Variants in KLHL1 observed in about 807,000 individuals in gnomAD.
KLHL1 encodes kelch-like protein 1.
In KLHL1, 47 loss-of-function variants were observed where a neutral mutation model predicts 77.7. The ratio of observed to expected loss-of-function variants is 0.60; its 90% CI spans 0.48 to 0.77. The LOEUF (loss-of-function observed/expected upper bound fraction) is 0.77. Among genes scored for constraint, KLHL1 ranks in the 30% least tolerant of loss-of-function variants. The pLI is 0.00. For missense variants in KLHL1, 925 were observed against 910.8 expected, an observed-to-expected ratio of 1.02 and a Z score of -0.20; for synonymous variants, 360 against 325.2, an observed-to-expected ratio of 1.11 and a Z score of -1.15.
In KLHL1 at chr13:70,084,461, C is replaced by CTTTTTTTTTTTTTTT. The variant is rs1324246935; in HGVS notation, c.497+22741_497+22742insAAAAAAAAAAAAAAA. On this transcript the variant is annotated intron_variant, in intron 1 of 10. Coordinates refer to ENST00000377844, the MANE Select transcript of KLHL1 (RefSeq NM_020866.3). ...GATATTTTCTAGTCTATTTCTTCTT[C>CTTTTTTTTTTTTTTT]TTCTTTTTTTTTTTTTGAGACGGAG... 8.2e-4 allele frequency among the ~76,000 whole-genome samples: 94 copies of CTTTTTTTTTTTTTTT among 115,106 alleles called. 10 individuals carry two copies. Among genetic ancestry groups the CTTTTTTTTTTTTTTT allele is most frequent in the Non-Finnish European group, 9.8e-4 (57 of 58,424 alleles). 75.5% of individuals were successfully genotyped at this position (115,106 alleles called of 152,430 possible).
At chr13:70,040,329 G>A (rs771302200) in intron 1 of KLHL1, among the ~76,000 whole-genome samples, 5 of 152,140 alleles carry the variant, frequency 3.3e-5, no homozygotes, top group Non-Finnish European at 5.9e-5. Flanking sequence ...AGTGGGGCAA[G>A]GGTTGAAAAC....
chr13:69,870,589 A>T (rs1454249835), intron 5 of KLHL1, among the ~76,000 whole-genome samples: 1 of 152,060 alleles, frequency 6.6e-6, no homozygotes, highest in East Asian at 1.9e-4. Flanking sequence ...GTCAAGCCTC[A>T]TTTGAGACTC....
chr13:70,029,252 A>G (rs1314734969), intron 1 of KLHL1, among the ~76,000 whole-genome samples: 1 of 152,114 alleles, frequency 6.6e-6, no homozygotes, highest in Non-Finnish European at 1.5e-5. Flanking sequence ...TTCACTGGAA[A>G]TGGCTGAATA....
At chr13:69,981,455 A>G (rs888155161) in intron 1 of KLHL1, among the ~76,000 whole-genome samples, 3 of 152,010 alleles carry the variant, frequency 2.0e-5, no homozygotes, top group Non-Finnish European at 4.4e-5. Context: ...ATTTTGTAGT[A>G]TCAGATAAAG....
At chr13:69,901,077 CA>C (rs1881837552) in intron 4 of KLHL1, among the ~76,000 whole-genome samples, 1 of 152,138 alleles carries the variant, frequency 6.6e-6, no homozygotes, top group Admixed American at 6.5e-5. Flanking sequence ...ACAAGAAACT[CA>C]TGTCATATTT....
chr13:69,930,018 T>C (rs562728076), intron 4 of KLHL1, among the ~76,000 whole-genome samples: 86 of 151,966 alleles, frequency 5.7e-4, no homozygotes, highest in African/African-American at 1.9e-3. Flanking sequence ...TTTCAGCTGT[T>C]AAGATATCAG....
At chr13:69,777,891 A>T (rs1242073904) in intron 7 of KLHL1, among the ~76,000 whole-genome samples, 1 of 152,074 alleles carries the variant, frequency 6.6e-6, no homozygotes, top group Non-Finnish European at 1.5e-5. Flanking sequence ...TATAGTGTGC[A>T]TTTTACTGGT....
At chr13:69,886,619 GTTA>G (rs1881229901) in intron 4 of KLHL1, among the ~76,000 whole-genome samples, 1 of 151,686 alleles carries the variant, frequency 6.6e-6, no homozygotes, top group African/African-American at 2.4e-5. Flanking sequence ...TCATCTCTTT[GTTA>G]TTAAGTTTAA....
chr13:70,017,078 A>C lies in KLHL1; in HGVS notation c.498-41276T>G, dbSNP rs549691445. Among the ~76,000 whole-genome samples, 3 of 152,210 alleles carry C rather than the reference A, an allele frequency of 2.0e-5. No homozygotes were observed. In the East Asian group the frequency reaches 5.8e-4, roughly 30 times the overall value. The stretch of plus-strand genomic sequence containing the variant: ...CTGAGAACTGTTCTGCCGCTCAATG[A>C]AGCTCTTCTCCACTTTGCTCACCCT... On this transcript the variant is annotated intron_variant, in intron 1 of 10. Coordinates refer to ENST00000377844, the MANE Select transcript of KLHL1 (RefSeq NM_020866.3).
intron 5 of KLHL1, among the ~76,000 whole-genome samples, chr13:69,878,128 T>TA (rs1441436214): frequency 6.6e-6 from 1 of 152,160 alleles, no homozygotes; most frequent in Non-Finnish European, 1.5e-5. Flanking sequence ...TTGTTTTTGT[T>TA]TTTACTCTTT....
At chr13:69,754,176 C>T (rs1456063165) in intron 7 of KLHL1, among the ~76,000 whole-genome samples, 1 of 151,962 alleles carries the variant, frequency 6.6e-6, no homozygotes, top group Admixed American at 6.6e-5. Context: ...TCAGTAGGAG[C>T]TACCCTTTAA....
rs111242830 is a variant in KLHL1, at chr13:69,873,883, A to G, written c.1227+8400T>C. On this transcript the variant is annotated intron_variant, in intron 5 of 10. Transcript: ENST00000377844. Reference sequence around the variant, plus strand: ...CTTTTGAAAAGACCTCTACATCTGTATTTCTCAAAAATATAGTTGTAAGAA... The same window carrying G: ...CTTTTGAAAAGACCTCTACATCTGTGTTTCTCAAAAATATAGTTGTAAGAA... Among the ~76,000 whole-genome samples the G allele has an allele frequency of 7.5e-3, 1,147 of 152,284 alleles. 11 individuals carry two copies. The highest frequency in any genetic ancestry group is 0.025 in the African/African-American group (1,046 of 41,554).
chr13:70,045,289 G>C (rs1359992884), intron 1 of KLHL1, among the ~76,000 whole-genome samples: 1 of 151,758 alleles, frequency 6.6e-6, no homozygotes, highest in Non-Finnish European at 1.5e-5. Flanking sequence ...ATCCTTTTTT[G>C]CTTTTATCTT....
intron 1 of KLHL1, among the ~76,000 whole-genome samples, chr13:70,104,768 T>A (rs1329037431): frequency 6.6e-6 from 1 of 152,108 alleles, no homozygotes; most frequent in Admixed American, 6.5e-5. Context: ...ATAAACACCA[T>A]GTAGCTTTTC....
In KLHL1 at chr13:69,796,924, G is replaced by T. The variant is rs1877133622; in HGVS notation, c.1453C>A (p.Leu485Met). The T allele has an allele frequency of 3.1e-6, 5 of 1,614,002 alleles. No homozygotes were observed. Among genetic ancestry groups the T allele is most frequent in the Admixed American group, 3.3e-5 (2 of 60,002 alleles). ...TIEKYDLRTN[L>M]WIQAGMMNGR... Reference sequence around the variant, plus strand: ...TTCATCATCCCTGCCTGGATCCACAGATTTGTTCTCAGATCATATTTCTCT... The same window carrying T: ...TTCATCATCCCTGCCTGGATCCACATATTTGTTCTCAGATCATATTTCTCT... The change falls in exon 7 of 11, where the codon CTG (leucine) becomes ATG (methionine). Residue 485 changes from leucine (L) to methionine (M), a missense_variant. Coordinates refer to ENST00000377844, the MANE Select transcript of KLHL1 (RefSeq NM_020866.3).
intron 5 of KLHL1, among the ~76,000 whole-genome samples, chr13:69,847,644 A>G (rs977160022): frequency 6.6e-6 from 1 of 151,546 alleles, no homozygotes; most frequent in African/African-American, 2.4e-5. Flanking sequence ...TAGTTATGAA[A>G]ACACTCTCAC....
chr13:70,107,693 C>G lies in KLHL1; in HGVS notation c.7G>C (p.Gly3Arg). MS[G>R]SGRKDFDVKH... is the part of the protein sequence containing the mutation. Reference sequence around the variant, plus strand: ...ACATCGAAGTCTTTTCGCCCAGAGCCTGACATGCTTTACGCACAGAAGGCA... The same window carrying G: ...ACATCGAAGTCTTTTCGCCCAGAGCGTGACATGCTTTACGCACAGAAGGCA... Residue 3 changes from glycine to arginine, a missense_variant, in exon 1 of 11, where the codon GGC (glycine) becomes CGC (arginine). Coordinates refer to ENST00000377844, the MANE Select transcript of KLHL1 (RefSeq NM_020866.3). The G allele has an allele frequency of 6.6e-7, 1 of 1,524,422 alleles. No homozygotes were observed. The highest frequency in any genetic ancestry group is 8.8e-7 in the Non-Finnish European group (1 of 1,140,750). The allele number at this position is 1,524,422 out of a possible 1,614,324, so 94.4% of individuals were successfully genotyped here.
chr13:69,970,169 C>A (rs530358580), intron 2 of KLHL1, among the ~76,000 whole-genome samples: 21 of 152,184 alleles, frequency 1.4e-4, no homozygotes, highest in African/African-American at 5.1e-4. Flanking sequence ...TTGAGCATTG[C>A]CTTAATTACT....
At chr13:69,792,363 A>G (rs1876909588) in intron 7 of KLHL1, among the ~76,000 whole-genome samples, 1 of 152,220 alleles carries the variant, frequency 6.6e-6, no homozygotes, top group African/African-American at 2.4e-5. Context: ...ACAATGAGAT[A>G]CTACTTCAAA....
Sources: allele counts gnomAD v4.1 joint callset (sites outside exome capture counted in the v4.1 genomes callset), GRCh38; gene constraint gnomAD v4.1.1; transcripts MANE v1.5; gene names NCBI Gene and HGNC (gene_info 2026-07-23, HGNC 2026-07-21).